Variants in RDX observed in about 807,000 individuals in gnomAD.
The protein encoded by RDX is radixin.
A neutral mutation model predicts 83.7 loss-of-function variants in RDX; 32 were observed. The ratio of observed to expected loss-of-function variants is 0.38; its 90% CI spans 0.29 to 0.51. The LOEUF is 0.51. Ranked by LOEUF, RDX falls within the 20% of genes least tolerant of loss-of-function variation. RDX has a pLI of 0.87. For missense variants in RDX, 600 were observed against 689.9 expected (o/e 0.87, Z 1.46); for synonymous variants, 229 against 222.7 (o/e 1.03, Z -0.25).
intron 15 of RDX, among the ~76,000 whole-genome samples, chr11:110,177,209 C>G (rs1290368659): frequency 4.6e-5 from 7 of 152,246 alleles, no homozygotes; most frequent in African/African-American, 4.8e-5. Flanking sequence ...CGGTGAGACT[C>G]CAACCACTCC....
intron 1 of RDX, among the ~76,000 whole-genome samples, chr11:110,290,085 A>T (rs1861173556): frequency 1.3e-5 from 2 of 151,960 alleles, no homozygotes. Context: ...TTATTAAAAG[A>T]TTATCAGTCA....
In RDX at chr11:110,242,319, G is replaced by A. The variant is rs142817455; in HGVS notation, c.1091-4667C>T. 1.5e-3 allele frequency among the ~76,000 whole-genome samples: 227 copies of A among 151,926 alleles called. 2 individuals carry two copies. Among genetic ancestry groups the A allele is most frequent in the African/African-American group, 5.3e-3 (220 of 41,426 alleles). On this transcript the variant is annotated intron_variant, in intron 10 of 13. Coordinates refer to ENST00000645495, the MANE Select transcript of RDX (RefSeq NM_002906.4). ...AATACCAAAATTAGCCAGACATGGT[G>A]GCAGCCACCTGTAATTAGGCAGGAG...
At chr11:110,193,261 T>C (rs998738423) in intron 15 of RDX, among the ~76,000 whole-genome samples, 12 of 152,038 alleles carry the variant, frequency 7.9e-5, no homozygotes, top group African/African-American at 2.9e-4. Context: ...CAAATTAACA[T>C]AGGAACAGAA....
downstream of RDX, among the ~76,000 whole-genome samples, chr11:110,225,884 TA>T (rs1355695594): frequency 8.0e-4 from 113 of 140,376 alleles, no homozygotes; most frequent in Admixed American, 7.2e-4. Context: ...CTGTCTCTAC[TA>T]AAAAAAAAAA....
intron 1 of RDX, among the ~76,000 whole-genome samples, chr11:110,286,354 C>T (rs1860977586): frequency 2.6e-5 from 4 of 152,220 alleles, no homozygotes; most frequent in Admixed American, 2.6e-4. Flanking sequence ...CACAGTGCCA[C>T]ACATTAGAGA....
At chr11:110,234,169 T>C (rs539318393) in intron 12 of RDX, among the ~76,000 whole-genome samples, 1 of 152,334 alleles carries the variant, frequency 6.6e-6, no homozygotes, top group Non-Finnish European at 1.5e-5. Context: ...AAACATTTAA[T>C]TTGAATTCCC....
At chr11:110,271,915 G>A (rs1001255505) in intron 3 of RDX, among the ~76,000 whole-genome samples, 1 of 152,104 alleles carries the variant, frequency 6.6e-6, no homozygotes, top group African/African-American at 2.4e-5. Flanking sequence ...ACATGACTCT[G>A]CAAATGGAAA....
chr11:110,255,321 A>AT lies in RDX; in HGVS notation c.762dup (p.Phe255IlefsTer12), dbSNP rs769184249. 4 of 1,591,552 alleles carry AT rather than the reference A, an allele frequency of 2.5e-6. No homozygotes were observed. Among genetic ancestry groups the AT allele is most frequent in the African/African-American group, 2.7e-5 (2 of 74,460 alleles). On this transcript the variant is annotated frameshift_variant, in exon 8 of 14. Transcript: ENST00000645495. LOFTEE classifies it high-confidence loss of function. ...TTTTTGTCGATTGGCTTTATAACAA[A>AT]TTTTTTGTCATTAAATGAAATATTT...
intron 10 of RDX, 64 bp from the exon 11 acceptor site, chr11:110,237,716 G>T: frequency 1.3e-6 from 2 of 1,544,644 alleles, no homozygotes; most frequent in Non-Finnish European, 8.9e-7. Context: ...ATCAAAAGAA[G>T]CTAAAATAGT....
chr11:110,269,874 C>T (rs1860227912), intron 3 of RDX, among the ~76,000 whole-genome samples: 1 of 151,808 alleles, frequency 6.6e-6, no homozygotes, highest in African/African-American at 2.4e-5. Flanking sequence ...CCCATCTCTA[C>T]CAAAAATACA....
intron 1 of RDX, among the ~76,000 whole-genome samples, chr11:110,291,174 A>C (rs888644360): frequency 2.6e-5 from 4 of 152,112 alleles, no homozygotes; most frequent in African/African-American, 9.7e-5. Flanking sequence ...AAAAAATTAA[A>C]ATCAGCCAAG....
chr11:110,216,652 A>C (rs1221321698), intron 14 of RDX, among the ~76,000 whole-genome samples: 1 of 150,598 alleles, frequency 6.6e-6, no homozygotes, highest in Non-Finnish European at 1.5e-5. Context: ...TGCTGGGATC[A>C]CAAGTGTGAG....
chr11:110,254,215 C>T (rs1426662641), intron 8 of RDX, 106 bp from the exon 9 acceptor site: 1 of 887,696 alleles, frequency 1.1e-6, no homozygotes, highest in Non-Finnish European at 1.8e-6. Flanking sequence ...TGTCATATTA[C>T]ATATAGTTTA....
At chr11:110,289,979 A>AAAAAC (rs1555049799) in intron 1 of RDX, among the ~76,000 whole-genome samples, 21 of 144,712 alleles carry the variant, frequency 1.5e-4, no homozygotes, top group African/African-American at 5.7e-4. Context: ...AAAAAAAAAA[A>AAAAAC]AAACAAGGGT....
chr11:110,271,778 A>G (rs751894238), intron 3 of RDX, among the ~76,000 whole-genome samples: 7 of 152,158 alleles, frequency 4.6e-5, no homozygotes, highest in Non-Finnish European at 1.0e-4. Flanking sequence ...CCTTTGCCTC[A>G]TACATTATGA....
chr11:110,207,708 A>G (rs1863657956), intron 14 of RDX, among the ~76,000 whole-genome samples: 4 of 152,174 alleles, frequency 2.6e-5, no homozygotes, highest in Admixed American at 2.6e-4. Flanking sequence ...ATAAAATTTT[A>G]TGGGAACACA....
chr11:110,247,639 A>T, intron 10 of RDX, 64 bp downstream of exon 10: 1 of 1,546,674 alleles, frequency 6.5e-7, no homozygotes, highest in South Asian at 1.2e-5. Flanking sequence ...ACTAAAAAAA[A>T]TACCACTATC....
At chr11:110,276,533 T>C (rs1037353548) in intron 2 of RDX, among the ~76,000 whole-genome samples, 2 of 152,228 alleles carry the variant, frequency 1.3e-5, no homozygotes, top group African/African-American at 4.8e-5. Context: ...CATTTATGAT[T>C]TAGTATTGGA....
intron 1 of RDX, among the ~76,000 whole-genome samples, chr11:110,290,770 A>G (rs970815405): frequency 1.1e-4 from 16 of 152,248 alleles, no homozygotes; most frequent in Non-Finnish European, 1.8e-4. Flanking sequence ...CTACTGTTGT[A>G]GCAGGAAAGC....
Sources: gnomAD v4.1 joint callset for allele counts (sites outside exome capture counted in the v4.1 genomes callset) on GRCh38, gnomAD v4.1.1 for gene constraint, MANE v1.5 for transcripts, NCBI Gene and HGNC (gene_info 2026-07-23, HGNC 2026-07-21) for gene names.